MTCL1: variants seen among roughly 807,000 people sequenced by gnomAD.
MTCL1 encodes the protein microtubule cross-linking factor 1.
Under a neutral mutation model 141.4 loss-of-function variants are expected in MTCL1, and 79 were observed. The ratio of observed to expected loss-of-function variants is 0.56; its 90% CI spans 0.47 to 0.67. The LOEUF is 0.67. Ranked by LOEUF, MTCL1 falls within the 30% of genes least tolerant of loss-of-function variation. The pLI is 0.00. For synonymous variants in MTCL1, 914 were observed against 875.8 expected (o/e 1.04, Z -0.77); for missense variants, 2,177 against 2,113.9 (o/e 1.03, Z -0.59).
chr18:8,744,687 A>ATGGTTTTT (rs1328392818), intron 4 of MTCL1, among the ~76,000 whole-genome samples: 25 of 152,022 alleles, frequency 1.6e-4, no homozygotes, highest in African/African-American at 5.6e-4. Context: ...AAAGCATGGT[A>ATGGTTTTT]TGGTTTTTTT....
intron 14 of MTCL1, among the ~76,000 whole-genome samples, chr18:8,824,440 C>T (rs146548463): frequency 1.1e-3 from 172 of 152,302 alleles, no homozygotes; most frequent in East Asian, 3.7e-3. Flanking sequence ...GTTGGGATTA[C>T]GGGTGTGAGC....
At chr18:8,760,996 A>T (rs1210650497) in intron 4 of MTCL1, among the ~76,000 whole-genome samples, 1 of 152,240 alleles carries the variant, frequency 6.6e-6, no homozygotes, top group East Asian at 1.9e-4. Context: ...TAAAAATTTT[A>T]AATGTGTGTC....
At chr18:8,825,457 C>A in exon 15 of MTCL1, 1 of 1,595,160 alleles carries the variant, frequency 6.3e-7, no homozygotes, top group South Asian at 1.1e-5. Context: ...GGGTCCCGGA[C>A]GATGGGGACC....
chr18:8,829,014 G>A (rs1327275717), intron 16 of MTCL1: 4 of 1,613,576 alleles, frequency 2.5e-6, no homozygotes, highest in South Asian at 2.2e-5. Context: ...GTCGTGTTGT[G>A]TAACTCGCAG....
chr18:8,777,874 G>A (rs754643452), exon 5 of MTCL1: 2 of 1,613,816 alleles, frequency 1.2e-6, no homozygotes, highest in South Asian at 2.2e-5. Flanking sequence ...TGTACAAGGA[G>A]AAGAAAACCT....
intron 4 of MTCL1, among the ~76,000 whole-genome samples, chr18:8,727,534 C>T (rs2096223832): frequency 6.6e-6 from 1 of 152,152 alleles, no homozygotes; most frequent in African/African-American, 2.4e-5. Context: ...TTGCATTTCT[C>T]TGATGATTAG....
At chr18:8,812,772 C>T in intron 11 of MTCL1, 1 of 572,042 alleles carries the variant, frequency 1.7e-6, no homozygotes, top group Non-Finnish European at 3.0e-6. Context: ...CCATGGGAAG[C>T]TCAGTTTACT....
At position 8,784,261 on chromosome 18, in the gene MTCL1, G is replaced by A. The variant is rs772287631; in HGVS notation, c.1149G>A (p.Arg383=). 1.8e-5 allele frequency: 29 copies of A among 1,602,850 alleles called. No homozygotes were observed. In the Middle Eastern group the frequency reaches 5.0e-4, roughly 28 times the overall value. ...TGGGGCTGCGTGCCCCCAGTCCCCG[G>A]GACAGCGATGCCGAGAGTGATGCGG... The change falls in exon 6 of 17, where the codon CGG becomes CGA. Residue 383 remains arginine, a synonymous_variant. Coordinates refer to ENST00000359865, the Ensembl canonical transcript of MTCL1.
chr18:8,824,806 C>A (rs1568107043), exon 15 of MTCL1: 1 of 1,614,184 alleles, frequency 6.2e-7, no homozygotes, highest in Non-Finnish European at 8.5e-7. Context: ...GATGTCACCC[C>A]ACCCCTGTCT....
chr18:8,827,960 T>C (rs1438580060), intron 15 of MTCL1, among the ~76,000 whole-genome samples: 1 of 152,202 alleles, frequency 6.6e-6, no homozygotes, highest in African/African-American at 2.4e-5. Context: ...AAAGAGATGA[T>C]GTGAAGGGAG....
In MTCL1 at chr18:8,752,870, C is replaced by A. The variant is rs780282941; in HGVS notation, c.358-24963C>A. Among the ~76,000 whole-genome samples, 25 of 152,236 alleles carry A rather than the reference C, an allele frequency of 1.6e-4. No individual in the cohort carries two copies. In the Middle Eastern group the frequency reaches 0.014, roughly 83 times the overall value. ...TGGGCTTTGGACAGTGCACAGTGAG[C>A]CATAATGAGGCCTGAGTACAGTGCC... On this transcript the variant is annotated intron_variant, in intron 4 of 16. Transcript: ENST00000359865.
chr18:8,717,338 G>C (rs2096135253), upstream of MTCL1: 1 of 152,232 alleles, frequency 6.6e-6, no homozygotes, highest in South Asian at 2.1e-4. Flanking sequence ...CAGATTATGT[G>C]ATGGAATGAG....
chr18:8,740,565 C>T (rs1266780496), intron 4 of MTCL1, among the ~76,000 whole-genome samples: 1 of 152,226 alleles, frequency 6.6e-6, no homozygotes, highest in African/African-American at 2.4e-5. Context: ...TCATTGCAAC[C>T]TCCACCTCCT....
chr18:8,784,120 G>A, exon 6 of MTCL1: 1 of 1,613,602 alleles, frequency 6.2e-7, no homozygotes, highest in Non-Finnish European at 8.5e-7. Context: ...CCCTGCAGGA[G>A]GAGCTGAAGT....
At chr18:8,787,318 T>C (rs1029117414) in intron 7 of MTCL1, 1 of 152,306 alleles carries the variant, frequency 6.6e-6, no homozygotes, top group African/African-American at 2.4e-5. Flanking sequence ...GAACAGCAGG[T>C]CTTCAGATGA....
At chr18:8,730,747 C>T (rs1402573971) in intron 4 of MTCL1, among the ~76,000 whole-genome samples, 1 of 152,202 alleles carries the variant, frequency 6.6e-6, no homozygotes, top group East Asian at 1.9e-4. Context: ...GGATGGCTAC[C>T]TTGGACGCAG....
At chr18:8,804,111 T>A (rs1442456288) in intron 10 of MTCL1, among the ~76,000 whole-genome samples, 1 of 152,214 alleles carries the variant, frequency 6.6e-6, no homozygotes, top group Non-Finnish European at 1.5e-5. Context: ...GATTTTTAAT[T>A]TAAAATCTAA....
At chr18:8,808,064 A>T (rs530130925) in intron 11 of MTCL1, among the ~76,000 whole-genome samples, 2 of 150,920 alleles carry the variant, frequency 1.3e-5, no homozygotes, top group Admixed American at 6.6e-5. Flanking sequence ...CTGCATTTCC[A>T]CCTGGCCACA....
intron 4 of MTCL1, among the ~76,000 whole-genome samples, chr18:8,758,443 C>T (rs1449897329): frequency 6.6e-6 from 1 of 152,174 alleles, no homozygotes; most frequent in East Asian, 1.9e-4. Flanking sequence ...ACATTTTCTT[C>T]TTCTATGGAT....
Sources: allele counts gnomAD v4.1 joint callset (sites outside exome capture counted in the v4.1 genomes callset), GRCh38; gene constraint gnomAD v4.1.1; transcripts MANE v1.5; gene names NCBI Gene and HGNC (gene_info 2026-07-23, HGNC 2026-07-21).